The following NKAIN1 variants were observed in gnomAD, a reference collection of about 807,000 sequenced individuals.
NKAIN1 encodes the protein sodium/potassium-transporting ATPase subunit beta-1-interacting protein 1.
A neutral mutation model predicts 31.6 loss-of-function variants in NKAIN1; 13 were observed. The observed-to-expected ratio is 0.41, with a 90% CI of 0.27 to 0.65. The LOEUF is 0.65. Among genes scored for constraint, NKAIN1 ranks in the 30% least tolerant of loss-of-function variants. The pLI is 0.30. For synonymous variants in NKAIN1, 104 were observed against 109.0 expected (o/e 0.95, Z 0.28); for missense variants, 193 against 262.2 (o/e 0.74, Z 1.82).
At chr1:31,213,159 A>G (rs72874503) in intron 1 of NKAIN1, among the ~76,000 whole-genome samples, 11,008 of 150,820 alleles carry the variant, frequency 0.073, 977 homozygotes, top group African/African-American at 0.21. Flanking sequence ...GTCAACCCAT[A>G]CAATATGAGA....
chr1:31,216,393 T>C (rs1645512440), intron 1 of NKAIN1, among the ~76,000 whole-genome samples: 1 of 152,200 alleles, frequency 6.6e-6, no homozygotes, highest in Non-Finnish European at 1.5e-5. Context: ...ATGCTTACCC[T>C]ATGTCAAGTA....
intron 1 of NKAIN1, among the ~76,000 whole-genome samples, chr1:31,210,487 C>T (rs1252903426): frequency 6.6e-6 from 1 of 152,076 alleles, no homozygotes; most frequent in African/African-American, 2.4e-5. Flanking sequence ...CGGGGTTTCA[C>T]CACGTTGGCC....
intron 1 of NKAIN1, among the ~76,000 whole-genome samples, chr1:31,212,427 C>T (rs1179826283): frequency 2.2e-5 from 3 of 138,490 alleles, no homozygotes; most frequent in Admixed American, 2.1e-4. Context: ...TTTTAGGAGA[C>T]AAGGTCTCAT....
intron 1 of NKAIN1, among the ~76,000 whole-genome samples, chr1:31,198,733 T>G (rs1171291010): frequency 4.4e-5 from 1 of 22,592 alleles, no homozygotes; most frequent in Admixed American, 3.1e-4. Context: ...CCCCCACCCC[T>G]AATTATTTAT....
intron 5 of NKAIN1, among the ~76,000 whole-genome samples, 192 bp downstream of exon 5, chr1:31,182,338 C>T (rs1478398721): frequency 2.6e-5 from 4 of 152,124 alleles, no homozygotes; most frequent in African/African-American, 9.7e-5. Flanking sequence ...AGGGACTGGG[C>T]ACCTGGACGT....
At chr1:31,183,706 C>T (rs1488247374) in intron 4 of NKAIN1, 111 bp downstream of exon 4, 1 of 1,185,264 alleles carries the variant, frequency 8.4e-7, no homozygotes, top group Non-Finnish European at 1.2e-6. Context: ...CCATGGCCTC[C>T]CAAAGTGCTG....
rs1290710495 is a variant in NKAIN1, at chr1:31,181,525, ATCCAAG to A, written c.*172_*177del. The A allele has an allele frequency of 8.6e-5, 46 of 532,082 alleles. 1 individual carries two copies. Among genetic ancestry groups the A allele is most frequent in the Non-Finnish European group, 1.2e-4 (40 of 331,812 alleles). 33.0% of individuals were successfully genotyped at this position (532,082 alleles called of 1,614,324 possible). On this transcript the variant is annotated 3_prime_UTR_variant, in exon 7 of 7. Coordinates refer to ENST00000373736, the MANE Select transcript of NKAIN1 (RefSeq NM_024522.3). ...CCGGGCTGCGAAGAGCCAAGCTCAAATCCAAGTCCAAGTCCAAGTCCACGTCCAAGT... is the reference window on the plus strand; with the variant it reads ...CCGGGCTGCGAAGAGCCAAGCTCAAATCCAAGTCCAAGTCCACGTCCAAGT...
rs995439874 is a variant in NKAIN1, at chr1:31,180,843, C to A, written c.*860G>T. On this transcript the variant is annotated 3_prime_UTR_variant, in exon 7 of 7. Coordinates refer to ENST00000373736, the MANE Select transcript of NKAIN1 (RefSeq NM_024522.3). Reference sequence around the variant, plus strand: ...ATCCATCCAGTTCCCAATAAGAGAACGAATGGGTATATTGCTTTAAGAGAG... The same window carrying A: ...ATCCATCCAGTTCCCAATAAGAGAAAGAATGGGTATATTGCTTTAAGAGAG... 1 of 152,140 alleles carries A rather than the reference C, an allele frequency of 6.6e-6. No homozygotes were observed. The highest frequency in any genetic ancestry group is 1.5e-5 in the Non-Finnish European group (1 of 68,058). The allele number at this position is 152,140 out of a possible 1,614,324, so 9.4% of individuals were successfully genotyped here. A position where few individuals can be genotyped will look rare whatever the true frequency, so the allele number is the denominator to read the frequency against.
chr1:31,192,255 T>G (rs1415394219), intron 1 of NKAIN1, among the ~76,000 whole-genome samples: 1 of 152,170 alleles, frequency 6.6e-6, no homozygotes, highest in Non-Finnish European at 1.5e-5. Context: ...CACCCAACAA[T>G]CATTCACTCA....
rs944399462 is a variant in NKAIN1 at position 31,188,190 on chromosome 1, G to A, written c.55-3C>T. ...ATCTGCCGCTCCAGCGCAGCCACCT[G>A]TGGAAGAGACAGGCTGAGGCCACTG... is the stretch of plus-strand genomic sequence containing the variant. On this transcript the variant is annotated splice_polypyrimidine_tract_variant and splice_region_variant and intron_variant, in intron 1 of 6. Transcript: ENST00000373736. 3.9e-6 allele frequency: 6 copies of A among 1,551,230 alleles called. No homozygotes were observed. The highest frequency in any genetic ancestry group is 1.4e-5 in the African/African-American group (1 of 73,074).
intron 1 of NKAIN1, among the ~76,000 whole-genome samples, chr1:31,189,036 A>T (rs552721309): frequency 6.6e-6 from 1 of 151,944 alleles, no homozygotes; most frequent in Non-Finnish European, 1.5e-5. Flanking sequence ...GAAAAAAAAA[A>T]AACGGCGTTC....
At chr1:31,216,097 T>C (rs566117876) in intron 1 of NKAIN1, among the ~76,000 whole-genome samples, 1 of 151,394 alleles carries the variant, frequency 6.6e-6, no homozygotes, top group East Asian at 1.9e-4. Flanking sequence ...GAGGAGACTT[T>C]CTCTCCCTCT....
chr1:31,197,340 T>C (rs2148353579), intron 1 of NKAIN1, among the ~76,000 whole-genome samples: 1 of 151,720 alleles, frequency 6.6e-6, no homozygotes, highest in East Asian at 1.9e-4. Context: ...CTCGATCTTC[T>C]GACCTCGTGA....
chr1:31,215,435 G>C lies in NKAIN1; in HGVS notation c.54+24059C>G, dbSNP rs973410481. ...CTTCACCACTCAGATTGTGATTTAC[G>C]CTGCCCGTGATGTGGGACTGTTATC... On this transcript the variant is annotated intron_variant, in intron 1 of 6. Transcript: ENST00000373736. Among the ~76,000 whole-genome samples the C allele has an allele frequency of 2.0e-5, 3 of 152,272 alleles. No homozygotes were observed. The South Asian group carries it at 6.2e-4, about 32-fold the overall frequency.
At position 31,188,189 on chromosome 1, in the gene NKAIN1, T is replaced by G; in HGVS notation, c.55-2A>C. The G allele has an allele frequency of 6.4e-7, 1 of 1,551,276 alleles. No individual in the cohort carries two copies. Among genetic ancestry groups the G allele is most frequent in the East Asian group, 2.4e-5 (1 of 40,896 alleles). ...GATCTGCCGCTCCAGCGCAGCCACCTGTGGAAGAGACAGGCTGAGGCCACT... is the reference window on the plus strand; with the variant it reads ...GATCTGCCGCTCCAGCGCAGCCACCGGTGGAAGAGACAGGCTGAGGCCACT... On this transcript the variant is annotated splice_acceptor_variant, in intron 1 of 6. Transcript: ENST00000373736. LOFTEE classifies it high-confidence loss of function.
At position 31,188,075 on chromosome 1, in the gene NKAIN1, T is replaced by C; in HGVS notation, c.167A>G (p.Gln56Arg). Residue 56 changes from glutamine to arginine, a missense_variant, in exon 2 of 7, where the codon CAG becomes CGG. Physicochemically the swap from Gln to Arg is conservative, Grantham distance 43. Coordinates refer to ENST00000373736, the MANE Select transcript of NKAIN1 (RefSeq NM_024522.3). ...AVILGIFGTV[Q>R]YRSRYLILYA... ...CAGGATGAGGTACCGGGAGCGGTAC[T>C]GCACGGTGCCAAAGATGCCCAGGAT... 6 of 1,553,980 alleles carry C rather than the reference T, an allele frequency of 3.9e-6. No individual in the cohort carries two copies. The highest frequency in any genetic ancestry group is 5.2e-6 in the Non-Finnish European group (6 of 1,148,370).
rs1645196525 is a variant in NKAIN1 at position 31,181,445 on chromosome 1, A to C, written c.*258T>G. ...AGGCTGAGATTAAAAACAAACAAAC[A>C]AAAAACAAAAAACCCGTGGTGCCCC... On this transcript the variant is annotated 3_prime_UTR_variant, in exon 7 of 7. Transcript: ENST00000373736. The C allele has an allele frequency of 5.0e-6, 2 of 402,354 alleles. No individual in the cohort carries two copies. The highest frequency in any genetic ancestry group is 6.4e-4 in the Middle Eastern group (1 of 1,568). The allele number at this position is 402,354 out of a possible 1,614,324, so 24.9% of individuals were successfully genotyped here. A position where few individuals can be genotyped will look rare whatever the true frequency, so the allele number is the denominator to read the frequency against.
chr1:31,207,360 C>T (rs1645433013), intron 1 of NKAIN1, among the ~76,000 whole-genome samples: 1 of 152,118 alleles, frequency 6.6e-6, no homozygotes, highest in South Asian at 2.1e-4. Flanking sequence ...TGTTGTGAAG[C>T]TTAAGTAGGG....
chr1:31,220,602 A>G (rs977377888), intron 1 of NKAIN1, among the ~76,000 whole-genome samples: 4 of 151,910 alleles, frequency 2.6e-5, no homozygotes, highest in Non-Finnish European at 5.9e-5. Flanking sequence ...TAAAAATATA[A>G]AAATTAGCCA....
Sources: gnomAD v4.1 joint callset for allele counts (sites outside exome capture counted in the v4.1 genomes callset) on GRCh38, gnomAD v4.1.1 for gene constraint, MANE v1.5 for transcripts, NCBI Gene and HGNC (gene_info 2026-07-23, HGNC 2026-07-21) for gene names.